The following DAPK1 variants were observed in gnomAD, a reference collection of about 807,000 sequenced individuals.
DAPK1 encodes the protein death-associated protein kinase 1.
Under a neutral mutation model 144.9 loss-of-function variants are expected in DAPK1, and 56 were observed. That is an observed-to-expected ratio of 0.39 (90% CI 0.31 to 0.48). The LOEUF (loss-of-function observed/expected upper bound fraction) is 0.48. Ranked by LOEUF, DAPK1 falls within the 20% of genes least tolerant of loss-of-function variation. DAPK1 has a pLI of 0.95. For synonymous variants in DAPK1, 690 were observed against 749.0 expected (o/e 0.92, Z 1.29); for missense variants, 1,454 against 1,875.4 (o/e 0.78, Z 4.15).
chr9:87,558,431 T>C (rs1008585327), intron 2 of DAPK1, among the ~76,000 whole-genome samples: 7 of 152,178 alleles, frequency 4.6e-5, no homozygotes, highest in Non-Finnish European at 1.0e-4. Flanking sequence ...TCGAATAAGC[T>C]TTGCAACTAA....
At chr9:87,591,001 G>T (rs1828113395) in intron 2 of DAPK1, among the ~76,000 whole-genome samples, 1 of 152,154 alleles carries the variant, frequency 6.6e-6, no homozygotes. Flanking sequence ...CCTTTCAAGG[G>T]CCAATTACAA....
intron 3 of DAPK1, chr9:87,633,288 G>T (rs532432066): frequency 6.2e-5 from 61 of 984,376 alleles, no homozygotes; most frequent in Non-Finnish European, 7.2e-5. Flanking sequence ...AGGGGGATGG[G>T]TATGTAGGGA....
intron 18 of DAPK1, chr9:87,667,636 A>T (rs1306220374): frequency 6.6e-6 from 1 of 152,216 alleles, no homozygotes; most frequent in African/African-American, 2.4e-5. Flanking sequence ...GATTTCGGAT[A>T]TCCCTAAGCT....
rs1825638678 is a variant in DAPK1 at position 87,706,444 on chromosome 9, G to T, written c.3373G>T (p.Val1125Leu). ...GGCTGATGAGGAGGACGAGGTGATG[G>T]TGTATGGTGGCGTGCGCATCGTGCC... Reference protein sequence around the residue: ...SWADEEDEVMVYGGVRIVPVE... With the variant: ...SWADEEDEVMLYGGVRIVPVE... Residue 1125 changes from valine (V) to leucine (L), a missense_variant, in exon 26 of 26, where the codon GTG becomes TTG. Val to Leu is a conservative substitution (Grantham distance 32). Around this residue, in one of 2 missense-constraint regions of DAPK1, gnomAD observed 1,025 missense variants for 1,237.9 expected, o/e 0.83. Coordinates refer to ENST00000408954, the MANE Select transcript of DAPK1 (RefSeq NM_004938.4). This position sits in a 1 kb window ranked among gnomAD's most constrained non-coding sequence, Gnocchi z 9.0. 6.2e-7 allele frequency: 1 copy of T among 1,613,676 alleles called. No individual in the cohort carries two copies. The highest frequency in any genetic ancestry group is 8.5e-7 in the Non-Finnish European group (1 of 1,179,712).
rs1272213183 is a variant in DAPK1, at chr9:87,535,365, T to C, written c.62+36226T>C. Among the ~76,000 whole-genome samples the C allele has an allele frequency of 3.3e-5, 5 of 152,298 alleles. No individual in the cohort carries two copies. The East Asian group carries it at 7.7e-4, about 24-fold the overall frequency. ...TTAGATTTATTTTAGTGTTTAATTC[T>C]AGTATTTTATGGGAAACTAGTCTGT... On this transcript the variant is annotated intron_variant, in intron 2 of 25. Transcript: ENST00000408954.
chr9:87,667,541 G>C (rs887867905), intron 18 of DAPK1, among the ~76,000 whole-genome samples: 3 of 152,192 alleles, frequency 2.0e-5, no homozygotes, highest in Non-Finnish European at 4.4e-5. Flanking sequence ...GTGTTGGCAA[G>C]ATTGAGCAAC....
intron 2 of DAPK1, among the ~76,000 whole-genome samples, chr9:87,601,484 T>A (rs893400934): frequency 2.0e-5 from 3 of 150,470 alleles, no homozygotes; most frequent in Non-Finnish European, 4.4e-5. Flanking sequence ...TATACATCGT[T>A]AGCACAGGAC....
chr9:87,682,615 C>T (rs541985103), intron 20 of DAPK1, among the ~76,000 whole-genome samples: 3 of 152,180 alleles, frequency 2.0e-5, no homozygotes, highest in South Asian at 2.1e-4. Flanking sequence ...CTGAACACAG[C>T]TATAGAATTG....
chr9:87,499,341 C>G (rs1481129231), intron 2 of DAPK1: 1 of 585,432 alleles, frequency 1.7e-6, no homozygotes, highest in Non-Finnish European at 3.1e-6. Flanking sequence ...GGCAGCAGTT[C>G]AGGGCTAGAT....
chr9:87,523,723 T>C (rs1251478122), intron 2 of DAPK1, among the ~76,000 whole-genome samples: 2 of 152,214 alleles, frequency 1.3e-5, no homozygotes, highest in Non-Finnish European at 2.9e-5. Context: ...GAAGTATGGC[T>C]CCAGGCGTAG....
chr9:87,565,181 T>C (rs1411463669), intron 2 of DAPK1, among the ~76,000 whole-genome samples: 1 of 152,184 alleles, frequency 6.6e-6, no homozygotes, highest in Non-Finnish European at 1.5e-5. Flanking sequence ...CCAGGATATG[T>C]TGCAGAGGTC....
chr9:87,566,787 A>G (rs1827142550), intron 2 of DAPK1, among the ~76,000 whole-genome samples: 1 of 152,216 alleles, frequency 6.6e-6, no homozygotes, highest in African/African-American at 2.4e-5. Context: ...ATGAAAGGAA[A>G]GCAGCAAACA....
At chr9:87,511,338 T>C (rs1419955740) in intron 2 of DAPK1, among the ~76,000 whole-genome samples, 1 of 152,196 alleles carries the variant, frequency 6.6e-6, no homozygotes, top group Non-Finnish European at 1.5e-5. Flanking sequence ...TGACTAGGAA[T>C]TTAGCTGTGC....
At chr9:87,676,430 G>T (rs1036280904) in intron 19 of DAPK1, among the ~76,000 whole-genome samples, 1 of 152,232 alleles carries the variant, frequency 6.6e-6, no homozygotes, top group Non-Finnish European at 1.5e-5. Context: ...GTAGTGAAAC[G>T]TGAAAACGTG....
intron 2 of DAPK1, chr9:87,525,613 A>G: frequency 1.5e-6 from 1 of 661,436 alleles, no homozygotes. Flanking sequence ...GTCAGTTTCC[A>G]AAAAGAACCT....
intron 17 of DAPK1, among the ~76,000 whole-genome samples, chr9:87,654,063 G>A (rs751048995): frequency 2.0e-5 from 3 of 152,034 alleles, no homozygotes; most frequent in Non-Finnish European, 2.9e-5. Context: ...CGTTTTTTGT[G>A]CTAAATAAAT....
chr9:87,706,995 C>T lies in DAPK1; in HGVS notation c.3924C>T (p.Leu1308=), dbSNP rs767453130. The change falls in exon 26 of 26, where the codon CTC becomes CTT. Residue 1308 remains leucine, a synonymous_variant. Transcript: ENST00000408954. This position sits in a 1 kb window ranked among gnomAD's most constrained non-coding sequence, Gnocchi z 9.0. ...MDIHASDLNL[L]TRRKLSRLLD... ...TCCATGCATCAGACCTGAACCTCCTCACTCGGAGGAAACTGAGTCGCCTGC... is the reference window on the plus strand; with the variant it reads ...TCCATGCATCAGACCTGAACCTCCTTACTCGGAGGAAACTGAGTCGCCTGC... The T allele has an allele frequency of 6.2e-7, 1 of 1,613,598 alleles. No individual in the cohort carries two copies.
intron 2 of DAPK1, chr9:87,525,321 A>G (rs765663535): frequency 1.9e-6 from 3 of 1,609,496 alleles, no homozygotes; most frequent in Admixed American, 1.7e-5. Context: ...CAGCAGCTGT[A>G]CTGGAGCCAC....
At chr9:87,667,463 T>G (rs1046307036) in intron 18 of DAPK1, among the ~76,000 whole-genome samples, 29 of 152,174 alleles carry the variant, frequency 1.9e-4, no homozygotes, top group African/African-American at 6.5e-4. Context: ...AAACCAGAGA[T>G]GCTACTAAAA....
Sources: allele counts gnomAD v4.1 joint callset (sites outside exome capture counted in the v4.1 genomes callset), GRCh38; gene constraint gnomAD v4.1.1; regional missense constraint gnomAD v4.1.1; non-coding constraint Gnocchi (gnomAD v3.1); transcripts MANE v1.5; gene names NCBI Gene and HGNC (gene_info 2026-07-23, HGNC 2026-07-21).